NDUFA5: variants seen among roughly 807,000 people sequenced by gnomAD.
NDUFA5 encodes NADH dehydrogenase [ubiquinone] 1 alpha subcomplex subunit 5.
A neutral mutation model predicts 19.8 loss-of-function variants in NDUFA5; 11 were observed. The ratio of observed to expected loss-of-function variants is 0.56; its 90% CI spans 0.35 to 0.92. NDUFA5 has a LOEUF of 0.92. NDUFA5 is among the 40% of genes least tolerant of loss of function. The probability of loss-of-function intolerance (pLI) is 0.01; values close to 1 mark genes in which losing one functional copy is unlikely to be tolerated. For synonymous variants in NDUFA5, 47 were observed against 46.8 expected (o/e 1.00, Z -0.01); for missense variants, 109 against 134.2 (o/e 0.81, Z 0.93).
At chr7:123,568,423 G>A in the NDUFA5 span, among the ~76,000 whole-genome samples, 1 of 151,746 alleles carries the variant, frequency 6.6e-6, no homozygotes, top group South Asian at 2.1e-4. Context: ...GGGAGGCTGA[G>A]ACAGGAGAAT....
At position 123,541,386 on chromosome 7, in the gene NDUFA5, T is replaced by C. The variant is rs1362659504; in HGVS notation, c.*733A>G. On this transcript the variant is annotated 3_prime_UTR_variant, in exon 5 of 5. Transcript: ENST00000355749. The stretch of plus-strand genomic sequence containing the variant: ...AATTTCTCCAATAACCTGTATGCAA[T>C]GGGAAATCTTTCTTTTAAGTACCAA... 1 of 152,212 alleles carries C rather than the reference T, an allele frequency of 6.6e-6. No homozygotes were observed. Among genetic ancestry groups the C allele is most frequent in the Non-Finnish European group, 1.5e-5 (1 of 68,018 alleles). 9.4% of individuals were successfully genotyped at this position (152,212 alleles called of 1,614,324 possible). A position where few individuals can be genotyped will look rare whatever the true frequency, so the allele number is the denominator to read the frequency against.
intron 3 of NDUFA5, among the ~76,000 whole-genome samples, chr7:123,545,996 T>C (rs1361702139): frequency 1.3e-5 from 2 of 152,078 alleles, no homozygotes; most frequent in East Asian, 1.9e-4. Flanking sequence ...TCTGAGAGCA[T>C]TAGAATTAGA....
rs867585528 is a variant in NDUFA5, at chr7:123,540,898, A to G, written c.*1221T>C. On this transcript the variant is annotated 3_prime_UTR_variant, in exon 5 of 5. Coordinates refer to ENST00000355749, the MANE Select transcript of NDUFA5 (RefSeq NM_005000.5). ...AATGTGCGCATGCGCGTGCACACAC[A>G]CACACACACACACACACACACACAC... 1,030 of 122,426 alleles carry G rather than the reference A, an allele frequency of 8.4e-3. 8 individuals are homozygous for G. The highest frequency in any genetic ancestry group is 0.026 in the African/African-American group (834 of 31,550). 7.6% of individuals were successfully genotyped at this position (122,426 alleles called of 1,614,324 possible). A position where few individuals can be genotyped will look rare whatever the true frequency, so the allele number is the denominator to read the frequency against.
chr7:123,540,010 A>G lies in NDUFA5; in HGVS notation c.*2109T>C, dbSNP rs534645184. The stretch of plus-strand genomic sequence containing the variant: ...GCCTGGGTTCAAACTTCAGCTTCAC[A>G]TCTTACTAGCTATGTGACCTTGGAT... On this transcript the variant is annotated 3_prime_UTR_variant, in exon 5 of 5. Transcript: ENST00000355749. The G allele has an allele frequency of 6.6e-6, 1 of 152,314 alleles. No homozygotes were observed. Among genetic ancestry groups the G allele is most frequent in the South Asian group, 2.1e-4 (1 of 4,826 alleles). 9.4% of individuals were successfully genotyped at this position (152,314 alleles called of 1,614,324 possible). A position where few individuals can be genotyped will look rare whatever the true frequency, so the allele number is the denominator to read the frequency against.
Position 123,542,218 on chromosome 7 carries a change from A to T in NDUFA5, c.252T>A (p.Ala84=). 6.2e-7 allele frequency: 1 copy of T among 1,608,416 alleles called. No individual in the cohort carries two copies. The change falls in exon 5 of 5, where the codon GCT becomes GCA. Residue 84 remains alanine (A), a splice_region_variant and synonymous_variant. Transcript: ENST00000355749. The part of the protein sequence containing the change: ...GGQLEEVILQ[A]EHELNLARKM... ...TTCTTGCCAGATTTAGTTCATGTTC[A>T]GCCTGTTAATACAAATTTTTTAAAA...
chr7:123,580,763 C>T, the NDUFA5 span, among the ~76,000 whole-genome samples: 1 of 151,882 alleles, frequency 6.6e-6, no homozygotes, highest in Non-Finnish European at 1.5e-5. Flanking sequence ...CACAACCGTA[C>T]CTGGAAGCCC....
At chr7:123,557,885 C>T, upstream of NDUFA5, 3 of 1,607,728 alleles carry the variant, frequency 1.9e-6, no homozygotes, top group Non-Finnish European at 1.7e-6. Flanking sequence ...CTCTGTCACC[C>T]TGGAAACAGC....
chr7:123,555,742 C>T (rs1798513469), intron 2 of NDUFA5: 1 of 152,206 alleles, frequency 6.6e-6, no homozygotes, highest in Admixed American at 6.5e-5. Flanking sequence ...AAATCCCTGC[C>T]TTCATGAAAC....
At chr7:123,566,643 T>C in the NDUFA5 span, among the ~76,000 whole-genome samples, 1 of 152,224 alleles carries the variant, frequency 6.6e-6, no homozygotes, top group Non-Finnish European at 1.5e-5. Context: ...AACAAACATA[T>C]ATGTACTAAT....
the NDUFA5 span, among the ~76,000 whole-genome samples, chr7:123,599,754 C>T: frequency 6.6e-6 from 1 of 152,174 alleles, no homozygotes; most frequent in African/African-American, 2.4e-5. Flanking sequence ...ACAGTACATG[C>T]ATTTCTTGCT....
chr7:123,564,892 GACACACAC>G, the NDUFA5 span, among the ~76,000 whole-genome samples: 6 of 147,582 alleles, frequency 4.1e-5, no homozygotes, highest in East Asian at 2.0e-4. Context: ...GAAGCATCTG[GACACACAC>G]ACACACACAC....
chr7:123,544,764 TAAAAAAAAAAAA>T (rs61556029), intron 4 of NDUFA5, among the ~76,000 whole-genome samples: 1 of 61,834 alleles, frequency 1.6e-5, no homozygotes, highest in East Asian at 5.1e-4. Context: ...ATGCAAATCT[TAAAAAAAAAAAA>T]AAAAAAAAAA....
the NDUFA5 span, among the ~76,000 whole-genome samples, chr7:123,586,608 C>A: frequency 6.6e-6 from 1 of 151,640 alleles, no homozygotes; most frequent in Non-Finnish European, 1.5e-5. Context: ...CTTTTGGTGT[C>A]ATATCCAAAA....
Position 123,552,636 on chromosome 7 carries a change from T to TAAAAAA in NDUFA5, c.67-2056_67-2051dup, listed in dbSNP as rs774901648. Among the ~76,000 whole-genome samples, 350 of 66,942 alleles carry TAAAAAA rather than the reference T, an allele frequency of 5.2e-3. 6 individuals are homozygous for TAAAAAA. The highest frequency in any genetic ancestry group is 0.013 in the East Asian group (28 of 2,220). The allele number at this position is 66,942 out of a possible 152,430, so 43.9% of individuals were successfully genotyped here. On this transcript the variant is annotated intron_variant, in intron 2 of 4. Coordinates refer to ENST00000355749, the MANE Select transcript of NDUFA5 (RefSeq NM_005000.5). Reference sequence around the variant, plus strand: ...TGTACCCCAGAACTTAAAGTATAACTAAAAAAAAAAAAAAAAAAAAAAAAT... The same window carrying TAAAAAA: ...TGTACCCCAGAACTTAAAGTATAACTAAAAAAAAAAAAAAAAAAAAAAAAAAAAAAT...
chr7:123,548,293 C>T (rs1798207962), intron 3 of NDUFA5, among the ~76,000 whole-genome samples: 1 of 152,134 alleles, frequency 6.6e-6, no homozygotes, highest in Admixed American at 6.5e-5. Flanking sequence ...GATAAAGACA[C>T]ATTTCTAAGG....
chr7:123,593,944 A>G, the NDUFA5 span, among the ~76,000 whole-genome samples: 1 of 152,106 alleles, frequency 6.6e-6, no homozygotes, highest in African/African-American at 2.4e-5. Context: ...GTCTTTTCAC[A>G]TAGTCCCATA....
the NDUFA5 span, among the ~76,000 whole-genome samples, chr7:123,576,123 T>C: frequency 0.014 from 2,130 of 151,572 alleles, 49 homozygotes; most frequent in African/African-American, 0.048. Context: ...ACTTTCTTTA[T>C]TTCAATTTTA....
chr7:123,567,604 C>T, the NDUFA5 span, among the ~76,000 whole-genome samples: 1,556 of 152,202 alleles, frequency 0.01, 28 homozygotes, highest in African/African-American at 0.035. Flanking sequence ...GATTCTGGAG[C>T]GCTCCTCCAC....
intron 3 of NDUFA5, among the ~76,000 whole-genome samples, chr7:123,549,697 G>C (rs1489843893): frequency 6.6e-6 from 1 of 152,194 alleles, no homozygotes; most frequent in East Asian, 1.9e-4. Context: ...AGGATTGCTT[G>C]AGACTGGCAG....
Sources: gnomAD v4.1 joint callset for allele counts (sites outside exome capture counted in the v4.1 genomes callset) on GRCh38, gnomAD v4.1.1 for gene constraint, MANE v1.5 for transcripts, NCBI Gene and HGNC (gene_info 2026-07-23, HGNC 2026-07-21) for gene names.